ZNF385B: variants seen among roughly 807,000 people sequenced by gnomAD.
ZNF385B encodes zinc finger protein 385B.
Under a neutral mutation model 39.2 loss-of-function variants are expected in ZNF385B, and 23 were observed. That is an observed-to-expected ratio of 0.59 (90% CI 0.42 to 0.83). The LOEUF is 0.83. Ranked by LOEUF, ZNF385B falls within the 40% of genes least tolerant of loss-of-function variation. ZNF385B has a pLI of 0.00. For synonymous variants in ZNF385B, 205 were observed against 222.6 expected (o/e 0.92, Z 0.70); for missense variants, 552 against 598.9 (o/e 0.92, Z 0.82).
At chr2:179,853,717 T>C (rs1684360293) in intron 1 of ZNF385B, among the ~76,000 whole-genome samples, 1 of 152,206 alleles carries the variant, frequency 6.6e-6, no homozygotes, top group Non-Finnish European at 1.5e-5. Context: ...ATGAGTATGG[T>C]AGGTGCCAAG....
At chr2:179,593,490 C>T (rs1270164678) in intron 3 of ZNF385B, among the ~76,000 whole-genome samples, 1 of 152,162 alleles carries the variant, frequency 6.6e-6, no homozygotes, top group African/African-American at 2.4e-5. Flanking sequence ...AACATATCCT[C>T]TCATTTATTA....
intron 3 of ZNF385B, among the ~76,000 whole-genome samples, chr2:179,753,108 G>T (rs1352753674): frequency 6.6e-6 from 1 of 152,130 alleles, no homozygotes; most frequent in Non-Finnish European, 1.5e-5. Context: ...ATTAATTTTT[G>T]TATAAGGTGT....
At chr2:179,810,478 CA>C (rs1237890962) in intron 1 of ZNF385B, among the ~76,000 whole-genome samples, 6 of 151,656 alleles carry the variant, frequency 4.0e-5, no homozygotes, top group Non-Finnish European at 8.9e-5. Flanking sequence ...AATATATATA[CA>C]AAAAATCACA....
chr2:179,740,853 A>T (rs1175444714), intron 3 of ZNF385B, among the ~76,000 whole-genome samples: 2 of 152,164 alleles, frequency 1.3e-5, no homozygotes, highest in Admixed American at 1.3e-4. Flanking sequence ...CAGATTGATG[A>T]GTGGAGGCAA....
intron 3 of ZNF385B, among the ~76,000 whole-genome samples, chr2:179,747,933 T>G (rs1196472346): frequency 6.6e-6 from 1 of 152,144 alleles, no homozygotes; most frequent in East Asian, 1.9e-4. Context: ...AAGCTCACAT[T>G]AGTTCATGTC....
chr2:179,634,639 G>C lies in ZNF385B; in HGVS notation c.299-89670C>G, dbSNP rs377058083. On this transcript the variant is annotated intron_variant, in intron 3 of 9. Coordinates refer to ENST00000410066, the MANE Select transcript of ZNF385B (RefSeq NM_152520.6). ...ATTAGTTCAACCATTGTGGAAGACAGTGTGGCGATTCCTCAAGGATCTAGA... is the reference window on the plus strand; with the variant it reads ...ATTAGTTCAACCATTGTGGAAGACACTGTGGCGATTCCTCAAGGATCTAGA... Among the ~76,000 whole-genome samples the C allele has an allele frequency of 7.4e-4, 113 of 152,348 alleles. 4 individuals are homozygous for C. In the South Asian group the frequency reaches 0.023, roughly 31 times the overall value.
At chr2:179,466,435 T>C (rs961252828) in intron 6 of ZNF385B, among the ~76,000 whole-genome samples, 1 of 152,168 alleles carries the variant, frequency 6.6e-6, no homozygotes, top group African/African-American at 2.4e-5. Flanking sequence ...TCTTTGCAGC[T>C]AAACTCATGT....
intron 3 of ZNF385B, among the ~76,000 whole-genome samples, chr2:179,708,909 T>C (rs7581560): frequency 0.12 from 18,322 of 152,164 alleles, 1,173 homozygotes; most frequent in East Asian, 0.24. Flanking sequence ...TGATGGGACA[T>C]GGAGAACAAT....
intron 5 of ZNF385B, among the ~76,000 whole-genome samples, chr2:179,485,479 T>C (rs1421397387): frequency 6.6e-6 from 1 of 152,144 alleles, no homozygotes; most frequent in Non-Finnish European, 1.5e-5. Flanking sequence ...CATCCAGCCA[T>C]AGCTAGTTCA....
rs966153581 is a variant in ZNF385B, at chr2:179,696,588, A to C, written c.298+72915T>G. On this transcript the variant is annotated intron_variant, in intron 3 of 9. Transcript: ENST00000410066. Reference sequence around the variant, plus strand: ...TAGTCACTTAGTGATACTCCCATGCACAGTAGCCCCTAGGCTACTTTTAAT... The same window carrying C: ...TAGTCACTTAGTGATACTCCCATGCCCAGTAGCCCCTAGGCTACTTTTAAT... Among the ~76,000 whole-genome samples, 8 of 152,014 alleles carry C rather than the reference A, an allele frequency of 5.3e-5. No homozygotes were observed. In the East Asian group the frequency reaches 7.7e-4, roughly 15 times the overall value.
chr2:179,584,036 A>G lies in ZNF385B; in HGVS notation c.299-39067T>C, dbSNP rs547592729. ...TTGTGTACACATTGTTGAAGAAGAC[A>G]TAGTCCCTGTTTTCCAAAAGCTTAT... is the stretch of plus-strand genomic sequence containing the variant. On this transcript the variant is annotated intron_variant, in intron 3 of 9. Coordinates refer to ENST00000410066, the MANE Select transcript of ZNF385B (RefSeq NM_152520.6). The G allele has an allele frequency of 1.9e-5, 18 of 926,880 alleles. No individual in the cohort carries two copies. The African/African-American group carries it at 2.9e-4, about 15-fold the overall frequency. The allele number at this position is 926,880 out of a possible 1,614,324, so 57.4% of individuals were successfully genotyped here. A position where few individuals can be genotyped will look rare whatever the true frequency, so the allele number is the denominator to read the frequency against.
At chr2:179,520,097 T>C (rs911614657) in intron 4 of ZNF385B, among the ~76,000 whole-genome samples, 3 of 151,940 alleles carry the variant, frequency 2.0e-5, no homozygotes, top group Non-Finnish European at 4.4e-5. Context: ...TTTGGGAGGC[T>C]GAGGCAGGAG....
At chr2:179,574,581 C>A (rs888969606) in intron 3 of ZNF385B, among the ~76,000 whole-genome samples, 59 of 152,148 alleles carry the variant, frequency 3.9e-4, no homozygotes, top group African/African-American at 1.2e-3. Flanking sequence ...ACAGTCAAAT[C>A]AACTGTAGCT....
rs1686413322 is a variant in ZNF385B at position 179,580,807 on chromosome 2, T to TA, written c.299-35839dup. 3.3e-5 allele frequency among the ~76,000 whole-genome samples: 5 copies of TA among 152,310 alleles called. No individual in the cohort carries two copies. In the South Asian group the frequency reaches 1.0e-3, roughly 32 times the overall value. ...TTTTGTTACAGCTGCCCAAGCAAACTAATATAGCTGGTATCATGTTCATCC... is the reference window on the plus strand; with the variant it reads ...TTTTGTTACAGCTGCCCAAGCAAACTAAATATAGCTGGTATCATGTTCATCC... On this transcript the variant is annotated intron_variant, in intron 3 of 9. Transcript: ENST00000410066.
At chr2:179,549,587 A>T (rs1370791673) in intron 3 of ZNF385B, among the ~76,000 whole-genome samples, 1 of 149,716 alleles carries the variant, frequency 6.7e-6, no homozygotes, top group Non-Finnish European at 1.5e-5. Context: ...CCAATGTTTT[A>T]CACAGTTTCC....
At chr2:179,553,173 G>T (rs2060688763) in intron 3 of ZNF385B, among the ~76,000 whole-genome samples, 1 of 149,122 alleles carries the variant, frequency 6.7e-6, no homozygotes, top group South Asian at 2.1e-4. Flanking sequence ...AAACCTGAGA[G>T]ATTTAAAATA....
chr2:179,781,097 T>A lies in ZNF385B; in HGVS notation c.-154-10425A>T, dbSNP rs73973729. Among the ~76,000 whole-genome samples the A allele has an allele frequency of 2.2e-3, 332 of 152,290 alleles. 4 individuals carry two copies. The highest frequency in any genetic ancestry group is 7.7e-3 in the African/African-American group (319 of 41,564). The stretch of plus-strand genomic sequence containing the variant: ...CAATTAATCTGTAGATTCAATGCAA[T>A]CTTAACCAAAGTCCTGGCAGGTTTA... On this transcript the variant is annotated intron_variant, in intron 1 of 9. Coordinates refer to ENST00000410066, the MANE Select transcript of ZNF385B (RefSeq NM_152520.6).
chr2:179,611,938 A>C (rs1689323519), intron 3 of ZNF385B, among the ~76,000 whole-genome samples: 1 of 150,656 alleles, frequency 6.6e-6, no homozygotes. Flanking sequence ...CTCCCTTCTT[A>C]TTCTCCCCCA....
At chr2:179,724,518 A>T (rs1465621497) in intron 3 of ZNF385B, among the ~76,000 whole-genome samples, 1 of 152,208 alleles carries the variant, frequency 6.6e-6, no homozygotes. Flanking sequence ...AATTTACCCT[A>T]TTAAGAATTA....
Sources: gnomAD v4.1 joint callset for allele counts (sites outside exome capture counted in the v4.1 genomes callset) on GRCh38, gnomAD v4.1.1 for gene constraint, MANE v1.5 for transcripts, NCBI Gene and HGNC (gene_info 2026-07-23, HGNC 2026-07-21) for gene names.